Variants in PLCG2 observed in about 807,000 individuals in gnomAD.
PLCG2 encodes the protein phospholipase C gamma 2, also known as 1-phosphatidylinositol 4,5-bisphosphate phosphodiesterase gamma-2.
A neutral mutation model predicts 175.6 loss-of-function variants in PLCG2; 69 were observed. The observed-to-expected ratio is 0.39, with a 90% CI of 0.32 to 0.48. The LOEUF is 0.48. Ranked by LOEUF, PLCG2 falls within the 20% of genes least tolerant of loss-of-function variation. PLCG2 has a pLI of 0.91. For missense variants in PLCG2, 1,798 were observed against 1,650.9 expected, an observed-to-expected ratio of 1.09 and a Z score of -1.54; for synonymous variants, 827 against 624.0, an observed-to-expected ratio of 1.33 and a Z score of -4.85.
chr16:81,939,805 G>T, intron 29 of PLCG2, 87 bp from the exon 30 acceptor site: 1 of 831,800 alleles, frequency 1.2e-6, no homozygotes, highest in African/African-American at 1.7e-5. Context: ...GTTGCTAAGG[G>T]GATTCACAGC....
intron 2 of PLCG2, among the ~76,000 whole-genome samples, chr16:81,759,908 C>G (rs2143084284): frequency 6.6e-6 from 1 of 152,264 alleles, no homozygotes; most frequent in East Asian, 1.9e-4. Flanking sequence ...GGGCAGATCA[C>G]AAGGTCAGGA....
chr16:81,882,018 G>T (rs193228768), intron 8 of PLCG2, among the ~76,000 whole-genome samples: 1 of 152,204 alleles, frequency 6.6e-6, no homozygotes, highest in Non-Finnish European at 1.5e-5. Flanking sequence ...GGAAAGGTTA[G>T]AATTGTACTC....
At chr16:81,811,160 C>G (rs1184072986) in intron 2 of PLCG2, among the ~76,000 whole-genome samples, 2 of 152,162 alleles carry the variant, frequency 1.3e-5, no homozygotes, top group South Asian at 2.1e-4. Flanking sequence ...GTTGAACAAG[C>G]CTGGGCTTGC....
chr16:81,837,388 TC>T (rs778127174), intron 2 of PLCG2, among the ~76,000 whole-genome samples: 1 of 152,240 alleles, frequency 6.6e-6, no homozygotes, highest in Non-Finnish European at 1.5e-5. Flanking sequence ...GCAGGCCACT[TC>T]CTCTGGGTTT....
At chr16:81,753,907 C>T (rs1909864851) in intron 1 of PLCG2, among the ~76,000 whole-genome samples, 1 of 152,104 alleles carries the variant, frequency 6.6e-6, no homozygotes, top group African/African-American at 2.4e-5. Context: ...CTCCCCCATC[C>T]CTGGGCCAAC....
upstream of PLCG2, among the ~76,000 whole-genome samples, chr16:81,778,043 C>CAAAACAAACAAACA (rs1910507588): frequency 0.035 from 2,057 of 59,514 alleles, 69 homozygotes; most frequent in South Asian, 0.049. Context: ...AAAAAAAAAA[C>CAAAACAAACAAACA]AAAAAAAAAA....
intron 5 of PLCG2, 62 bp downstream of exon 5, chr16:81,859,225 C>T: frequency 9.2e-7 from 1 of 1,085,822 alleles, no homozygotes; most frequent in South Asian, 1.3e-5. Context: ...TATCTTTAAA[C>T]CTTCCAAGGG....
At chr16:81,801,790 C>T (rs1911731931) in intron 2 of PLCG2, among the ~76,000 whole-genome samples, 1 of 151,986 alleles carries the variant, frequency 6.6e-6, no homozygotes. Context: ...AAGCGATTCT[C>T]TTGCTTCAGC....
At position 81,923,529 on chromosome 16, in the gene PLCG2, A is replaced by T. The variant is rs1162244155; in HGVS notation, c.2352A>T (p.Arg784=). 6.8e-6 allele frequency: 11 copies of T among 1,613,762 alleles called. No individual in the cohort carries two copies. The highest frequency in any genetic ancestry group is 7.6e-6 in the Non-Finnish European group (9 of 1,179,864). The change falls in exon 22 of 33, where the codon CGA becomes CGT. Residue 784 remains arginine (R), a synonymous_variant. Coordinates refer to ENST00000564138, the MANE Select transcript of PLCG2 (RefSeq NM_002661.5). ...CTCTGTATGACTACAAAGCCAAGCG[A>T]AGCGATGAGCTGAGCTTCTGCCGTG... ...VKALYDYKAK[R]SDELSFCRGA... is the part of the protein sequence containing the mutation.
rs748139734 is a variant in PLCG2, at chr16:81,786,187, GTACTCGC to G, written c.193+7_193+13del. ...CTGACAAGATCGAGGGCTTCTGTGA[GTACTCGC>G]TGGGTGGGGCAGTGTGGCCCGTCCT... On this transcript the variant is annotated splice_donor_region_variant and intron_variant, in intron 2 of 32. Transcript: ENST00000564138. 9.3e-6 allele frequency: 15 copies of G among 1,612,526 alleles called. No individual in the cohort carries two copies. Among genetic ancestry groups the G allele is most frequent in the African/African-American group, 5.3e-5 (4 of 74,930 alleles).
Position 81,959,446 on chromosome 16 carries a change from G to C in PLCG2, c.*1448G>C, listed in dbSNP as rs996934646. On this transcript the variant is annotated 3_prime_UTR_variant, in exon 33 of 33. Transcript: ENST00000564138. ...CCAAATACAGTGCCAAGATTTGGGG[G>C]TGTGGATGTTTAAACAAAAAGCTGT... 4.6e-6 allele frequency: 1 copy of C among 219,422 alleles called. No individual in the cohort carries two copies. The highest frequency in any genetic ancestry group is 2.2e-5 in the African/African-American group (1 of 44,522). The allele number at this position is 219,422 out of a possible 1,614,324, so 13.6% of individuals were successfully genotyped here.
chr16:81,882,049 C>G (rs1225103762), intron 8 of PLCG2, among the ~76,000 whole-genome samples: 1 of 152,152 alleles, frequency 6.6e-6, no homozygotes, highest in East Asian at 1.9e-4. Flanking sequence ...ACAACAGACT[C>G]CTGGACCCTG....
chr16:81,949,822 C>G (rs1284303053), intron 31 of PLCG2, among the ~76,000 whole-genome samples: 2 of 151,946 alleles, frequency 1.3e-5, no homozygotes, highest in African/African-American at 4.8e-5. Flanking sequence ...CAAGTATCAA[C>G]AAAGCAAAGG....
chr16:81,829,039 C>T (rs1905155088), intron 2 of PLCG2, among the ~76,000 whole-genome samples: 1 of 152,298 alleles, frequency 6.6e-6, no homozygotes, highest in East Asian at 1.9e-4. Flanking sequence ...ATGACAAGGA[C>T]TGCCCCCTCT....
At chr16:81,873,200 C>T (rs2081418048) in intron 7 of PLCG2, among the ~76,000 whole-genome samples, 1 of 152,180 alleles carries the variant, frequency 6.6e-6, no homozygotes, top group African/African-American at 2.4e-5. Flanking sequence ...TGGGGGAAGC[C>T]ATCTCTGTCC....
At chr16:81,789,939 A>T (rs1461422334) in intron 2 of PLCG2, among the ~76,000 whole-genome samples, 2 of 151,820 alleles carry the variant, frequency 1.3e-5, no homozygotes, top group Non-Finnish European at 2.9e-5. Context: ...TTGGATTCAA[A>T]TCTCCGTGGA....
intron 23 of PLCG2, among the ~76,000 whole-genome samples, chr16:81,927,481 A>C (rs1030365784): frequency 1.3e-5 from 2 of 152,216 alleles, no homozygotes; most frequent in Non-Finnish European, 2.9e-5. Flanking sequence ...TTGCTTAAGC[A>C]ACTTGCAGAT....
At chr16:81,805,019 G>C (rs1332303785) in intron 2 of PLCG2, among the ~76,000 whole-genome samples, 1 of 152,146 alleles carries the variant, frequency 6.6e-6, no homozygotes, top group Non-Finnish European at 1.5e-5. Flanking sequence ...AGTACAGTGA[G>C]CTTCAGTGAT....
intron 13 of PLCG2, among the ~76,000 whole-genome samples, chr16:81,897,114 A>G (rs191667651): frequency 6.6e-6 from 1 of 152,368 alleles, no homozygotes; most frequent in African/African-American, 2.4e-5. Flanking sequence ...TGTTCCAGTT[A>G]AAACTTGAAT....
Sources: allele counts gnomAD v4.1 joint callset (sites outside exome capture counted in the v4.1 genomes callset), GRCh38; gene constraint gnomAD v4.1.1; transcripts MANE v1.5; gene names NCBI Gene and HGNC (gene_info 2026-07-23, HGNC 2026-07-21).